The following CLASP1 variants were observed in gnomAD, a reference collection of about 807,000 sequenced individuals.
CLASP1 encodes CLIP-associating protein 1.
Under a neutral mutation model 192.3 loss-of-function variants are expected in CLASP1, and 38 were observed. That is an observed-to-expected ratio of 0.20 (90% confidence interval 0.15 to 0.26). The LOEUF (loss-of-function observed/expected upper bound fraction) is 0.26. CLASP1 is among the 10% of genes least tolerant of loss of function. The pLI is 1.00. For synonymous variants in CLASP1, 691 were observed against 712.8 expected (o/e 0.97, Z 0.49); for missense variants, 1,433 against 1,932.5 (o/e 0.74, Z 4.85).
At chr2:121,349,037 G>A (rs1165589339) in intron 37 of CLASP1, among the ~76,000 whole-genome samples, 1 of 152,026 alleles carries the variant, frequency 6.6e-6, no homozygotes, top group African/African-American at 2.4e-5. Flanking sequence ...TCAGGAGATC[G>A]AGACCATCCT....
chr2:121,596,078 A>T (rs1245704943), intron 2 of CLASP1, among the ~76,000 whole-genome samples: 2 of 152,248 alleles, frequency 1.3e-5, no homozygotes, highest in African/African-American at 2.4e-5. Context: ...CTTTCAGTAC[A>T]CTTTGTTGCC....
At chr2:121,436,139 C>T (rs1157124711) in intron 19 of CLASP1, among the ~76,000 whole-genome samples, 1 of 151,374 alleles carries the variant, frequency 6.6e-6, no homozygotes, top group East Asian at 1.9e-4. Flanking sequence ...TTAAGTGATT[C>T]TCGTGCCTCA....
At chr2:121,608,508 A>T (rs1411997951) in intron 1 of CLASP1, among the ~76,000 whole-genome samples, 1 of 152,198 alleles carries the variant, frequency 6.6e-6, no homozygotes, top group African/African-American at 2.4e-5. Flanking sequence ...CCTATTGGAC[A>T]TGAGAGGCCA....
intron 5 of CLASP1, 166 bp from the exon 6 acceptor site, chr2:121,526,086 T>C (rs762490551): frequency 3.2e-6 from 2 of 621,372 alleles, no homozygotes; most frequent in East Asian, 2.8e-5. Context: ...ATGTGTCCGA[T>C]GGCCCCTTTG....
chr2:121,566,014 G>A (rs575536670), intron 2 of CLASP1, among the ~76,000 whole-genome samples: 1 of 152,186 alleles, frequency 6.6e-6, no homozygotes. Context: ...CACAGCAGGA[G>A]CTAGCACTGG....
At chr2:121,584,317 C>T (rs548701938) in intron 2 of CLASP1, among the ~76,000 whole-genome samples, 22 of 152,294 alleles carry the variant, frequency 1.4e-4, no homozygotes, top group South Asian at 8.3e-4. Context: ...CAGACTAAGA[C>T]GTTCTCTATG....
chr2:121,405,629 C>T (rs530502237), intron 25 of CLASP1, among the ~76,000 whole-genome samples: 12 of 152,294 alleles, frequency 7.9e-5, no homozygotes, highest in Non-Finnish European at 1.2e-4. Context: ...TTGTTAACGA[C>T]GTAACCTAGA....
intron 1 of CLASP1, among the ~76,000 whole-genome samples, chr2:121,646,417 G>C (rs889797161): frequency 1.3e-5 from 2 of 152,046 alleles, no homozygotes; most frequent in African/African-American, 4.8e-5. Flanking sequence ...CTCTTCTCTT[G>C]TTTTCTAGGA....
intron 2 of CLASP1, among the ~76,000 whole-genome samples, chr2:121,540,646 G>A (rs1054191683): frequency 9.2e-5 from 14 of 151,948 alleles, no homozygotes; most frequent in Admixed American, 2.6e-4. Flanking sequence ...AAATTAGCTC[G>A]GCGTAGTGGC....
At chr2:121,521,093 G>A (rs1355853560) in intron 6 of CLASP1, among the ~76,000 whole-genome samples, 1 of 152,088 alleles carries the variant, frequency 6.6e-6, no homozygotes, top group Non-Finnish European at 1.5e-5. Flanking sequence ...CTGATTCTCG[G>A]GACATAGGAG....
intron 19 of CLASP1, among the ~76,000 whole-genome samples, chr2:121,432,952 G>C (rs1184426965): frequency 6.6e-6 from 1 of 152,100 alleles, no homozygotes; most frequent in Non-Finnish European, 1.5e-5. Context: ...AAGCAGTGAG[G>C]GTAAGCACTG....
chr2:121,498,048 C>G (rs892190171), intron 8 of CLASP1, among the ~76,000 whole-genome samples: 2 of 151,916 alleles, frequency 1.3e-5, no homozygotes, highest in Non-Finnish European at 2.9e-5. Context: ...TTAGCAGAGA[C>G]GGGGTTTCAC....
At chr2:121,456,669 G>T (rs749712847) in intron 14 of CLASP1, among the ~76,000 whole-genome samples, 52 of 152,020 alleles carry the variant, frequency 3.4e-4, no homozygotes, top group Non-Finnish European at 3.2e-4. Flanking sequence ...ATTTTAAAAC[G>T]ACAAATATAG....
chr2:121,565,181 A>G (rs1016940138), intron 2 of CLASP1, among the ~76,000 whole-genome samples: 3 of 152,222 alleles, frequency 2.0e-5, no homozygotes, highest in African/African-American at 7.2e-5. Flanking sequence ...CTCTTATACC[A>G]GGACAAGAGG....
At chr2:121,418,471 G>A (rs2078964807) in intron 23 of CLASP1, 151 bp downstream of exon 23, 1 of 619,464 alleles carries the variant, frequency 1.6e-6, no homozygotes, top group South Asian at 2.0e-5. Context: ...GCATGCAGAG[G>A]GGGACAAGGG....
In CLASP1 at chr2:121,508,051, T is replaced by TA. The variant is rs146267005; in HGVS notation, c.645-4818dup. The stretch of plus-strand genomic sequence containing the variant: ...AACAGCTCAAATCCACATGAAGAAA[T>TA]AAAAAAAAAAGTAAAAATAACTACA... On this transcript the variant is annotated intron_variant, in intron 7 of 39. Transcript: ENST00000263710. Among the ~76,000 whole-genome samples the TA allele has an allele frequency of 6.0e-4, 88 of 146,800 alleles. 1 individual carries two copies. The South Asian group carries it at 0.014, about 23-fold the overall frequency.
chr2:121,338,494 G>A (rs1162574258), exon 40 of CLASP1: 1 of 152,476 alleles, frequency 6.6e-6, no homozygotes, highest in African/African-American at 2.4e-5. Context: ...TTTGTGTTCT[G>A]TTTTTCATTG....
chr2:121,450,788 T>A (rs1006048869), intron 16 of CLASP1, 125 bp downstream of exon 16: 38 of 623,030 alleles, frequency 6.1e-5, no homozygotes, highest in Non-Finnish European at 9.4e-5. Flanking sequence ...CTTTTGGGGG[T>A]CATGTTTAAA....
intron 8 of CLASP1, among the ~76,000 whole-genome samples, chr2:121,499,893 G>A (rs59777509): frequency 0.041 from 6,167 of 151,648 alleles, 167 homozygotes; most frequent in East Asian, 0.14. Context: ...AAAATCCTAC[G>A]GCTAATACCA....
Sources: gnomAD v4.1 joint callset for allele counts (sites outside exome capture counted in the v4.1 genomes callset) on GRCh38, gnomAD v4.1.1 for gene constraint, MANE v1.5 for transcripts, NCBI Gene and HGNC (gene_info 2026-07-23, HGNC 2026-07-21) for gene names.